Variants in CXADR observed in about 807,000 individuals in gnomAD.
The protein encoded by CXADR is CXADR cell adhesion molecule, also known as coxsackievirus and adenovirus receptor.
In CXADR, 20 loss-of-function variants were observed where a neutral mutation model predicts 40.3. That is an observed-to-expected ratio of 0.50 (90% CI 0.35 to 0.72). The LOEUF (loss-of-function observed/expected upper bound fraction) is 0.72. Ranked by LOEUF, CXADR falls within the 30% of genes least tolerant of loss-of-function variation. The pLI is 0.01. For synonymous variants in CXADR, 150 were observed against 161.3 expected (o/e 0.93, Z 0.53); for missense variants, 332 against 449.1 (o/e 0.74, Z 2.36).
At chr21:17,516,709 G>A (rs532304040) in intron 1 of CXADR, among the ~76,000 whole-genome samples, 2 of 152,224 alleles carry the variant, frequency 1.3e-5, no homozygotes, top group East Asian at 1.9e-4. Flanking sequence ...GGAAGGGTTG[G>A]GTAGATGTTG....
At chr21:17,594,247 T>G (rs1036501191), downstream of CXADR, 1 of 1,613,260 alleles carries the variant, frequency 6.2e-7, no homozygotes, top group African/African-American at 1.3e-5. Context: ...ATAGTGATTC[T>G]GATGGCCATT....
downstream of CXADR, among the ~76,000 whole-genome samples, chr21:17,571,939 A>G (rs1047205636): frequency 3.3e-5 from 5 of 152,154 alleles, no homozygotes; most frequent in African/African-American, 1.2e-4. Context: ...GCCTAAGTCT[A>G]TGACTTCCAA....
the CXADR span, among the ~76,000 whole-genome samples, chr21:17,631,704 T>C: frequency 6.6e-6 from 1 of 152,222 alleles, no homozygotes; most frequent in South Asian, 2.1e-4. Context: ...TATTCACTCT[T>C]GGTATTGCTG....
At chr21:17,579,438 C>T (rs1407420276) in intron 7 of CXADR, among the ~76,000 whole-genome samples, 1 of 152,058 alleles carries the variant, frequency 6.6e-6, no homozygotes, top group East Asian at 1.9e-4. Flanking sequence ...GTGCATGCCA[C>T]CACACCCAGC....
the CXADR span, among the ~76,000 whole-genome samples, chr21:17,625,781 G>T: frequency 5.1e-4 from 77 of 152,302 alleles, 1 homozygote; most frequent in South Asian, 0.013. Flanking sequence ...TAAATCTACA[G>T]ATGATTCTAG....
chr21:17,570,190 G>C (rs113101271), downstream of CXADR: 3,464 of 985,098 alleles, frequency 3.5e-3, 77 homozygotes, highest in African/African-American at 0.053. Context: ...GCTGTGTCAT[G>C]GTTTCCTTCC....
the CXADR span, among the ~76,000 whole-genome samples, chr21:17,600,160 G>C: frequency 1.3e-5 from 2 of 152,028 alleles, no homozygotes; most frequent in Non-Finnish European, 2.9e-5. Flanking sequence ...ATTCTGAACT[G>C]TAGGAAAATA....
chr21:17,560,588 G>C, intron 4 of CXADR, 114 bp from the exon 5 acceptor site: 2 of 995,926 alleles, frequency 2.0e-6, no homozygotes, highest in South Asian at 3.2e-5. Flanking sequence ...ATCCAGCCTT[G>C]GTCTGTCTTG....
intron 7 of CXADR, among the ~76,000 whole-genome samples, chr21:17,586,988 G>A (rs1179114328): frequency 2.6e-5 from 4 of 152,058 alleles, no homozygotes; most frequent in Admixed American, 2.6e-4. Context: ...AACATGCGGT[G>A]TTTGGTTTTT....
intron 1 of CXADR, among the ~76,000 whole-genome samples, chr21:17,524,043 C>CGT (rs200561495): frequency 0.17 from 25,153 of 144,706 alleles, 2,534 homozygotes; most frequent in African/African-American, 0.3. Context: ...TGTGTGTGTG[C>CGT]GTGTGTGTGT....
rs1444338796 is a variant in CXADR, at chr21:17,550,795, G to T, written c.211-954G>T. The stretch of plus-strand genomic sequence containing the variant: ...CAGCCTTTAGTAATTGCCTTCAAAG[G>T]CTATGTGTGGTTCAGAAAACTCAGT... On this transcript the variant is annotated intron_variant, in intron 2 of 6. Coordinates refer to ENST00000284878, the MANE Select transcript of CXADR (RefSeq NM_001338.5). Among the ~76,000 whole-genome samples, 4 of 152,232 alleles carry T rather than the reference G, an allele frequency of 2.6e-5. No homozygotes were observed. In the East Asian group the frequency reaches 7.7e-4, roughly 29 times the overall value.
rs372225485 is a variant in CXADR, at chr21:17,533,001, ACTC to A, written c.44-14023_44-14021del. Reference sequence around the variant, plus strand: ...ATTTGTTGGGAGCTGGACTCAGAGAACTCCTGCTAATGCCTTTGAGATGTGGAT... The same window carrying A: ...ATTTGTTGGGAGCTGGACTCAGAGAACTGCTAATGCCTTTGAGATGTGGAT... On this transcript the variant is annotated intron_variant, in intron 1 of 6. Transcript: ENST00000284878. Among the ~76,000 whole-genome samples, 74 of 152,216 alleles carry A rather than the reference ACTC, an allele frequency of 4.9e-4. 2 individuals carry two copies. The East Asian group carries it at 0.013, about 27-fold the overall frequency.
At position 17,568,531 on chromosome 21, in the gene CXADR, G is replaced by A. The variant is rs1053003003; in HGVS notation, c.*2839G>A. 12 of 977,038 alleles carry A rather than the reference G, an allele frequency of 1.2e-5. No homozygotes were observed. In the African/African-American group the frequency reaches 1.4e-4, roughly 12 times the overall value. 60.5% of individuals were successfully genotyped at this position (977,038 alleles called of 1,614,324 possible). On this transcript the variant is annotated 3_prime_UTR_variant, in exon 7 of 7. Transcript: ENST00000284878. ...TACAGAGGATAATTTGAAGAGAAAT[G>A]TTACTGTAGAATATATAGTTCTGTA...
chr21:17,551,507 C>T (rs759448760), intron 2 of CXADR, among the ~76,000 whole-genome samples: 1 of 152,170 alleles, frequency 6.6e-6, no homozygotes, highest in African/African-American at 2.4e-5. Flanking sequence ...TATCATGTTG[C>T]GTCTTGGTTT....
chr21:17,529,135 T>G (rs2060637901), intron 1 of CXADR, among the ~76,000 whole-genome samples: 1 of 150,346 alleles, frequency 6.7e-6, no homozygotes, highest in African/African-American at 2.5e-5. Context: ...GCCTCCCTGG[T>G]TCAAGCGATT....
downstream of CXADR, among the ~76,000 whole-genome samples, chr21:17,597,248 T>C (rs1200931307): frequency 1.3e-5 from 2 of 152,058 alleles, no homozygotes; most frequent in African/African-American, 4.8e-5. Flanking sequence ...TTGTAAAAAA[T>C]TAGCAGCAAT....
chr21:17,609,217 T>C, the CXADR span: 1 of 1,479,814 alleles, frequency 6.8e-7, no homozygotes, highest in East Asian at 2.3e-5. Context: ...TGAAGCTCTG[T>C]AAGATATACC....
At chr21:17,542,752 T>C (rs1387662658) in intron 1 of CXADR, among the ~76,000 whole-genome samples, 1 of 152,266 alleles carries the variant, frequency 6.6e-6, no homozygotes, top group Non-Finnish European at 1.5e-5. Context: ...AGATCTGATA[T>C]TTGATTTACC....
chr21:17,550,224 G>A (rs1412658779), intron 2 of CXADR, among the ~76,000 whole-genome samples: 1 of 151,918 alleles, frequency 6.6e-6, no homozygotes, highest in Non-Finnish European at 1.5e-5. Flanking sequence ...CGTGGTGGTG[G>A]GCACTTGTAG....
Sources: allele counts gnomAD v4.1 joint callset (sites outside exome capture counted in the v4.1 genomes callset), GRCh38; gene constraint gnomAD v4.1.1; transcripts MANE v1.5; gene names NCBI Gene and HGNC (gene_info 2026-07-23, HGNC 2026-07-21).